The following NLGN4Y variants were observed in gnomAD, a reference collection of about 807,000 sequenced individuals.
NLGN4Y encodes neuroligin-4, Y-linked.
NLGN4Y carries 4 observed loss-of-function variants against 8.4 expected under a neutral mutation model. That is an observed-to-expected ratio of 0.48 (90% CI 0.23 to 1.09). NLGN4Y has a LOEUF of 1.09. Ranked by LOEUF, NLGN4Y falls within the 50% of genes least tolerant of loss-of-function variation. The pLI, the probability that NLGN4Y is intolerant of heterozygous loss-of-function variation, is 0.19. For synonymous variants in NLGN4Y, 35 were observed against 75.6 expected (o/e 0.46, Z 2.78); for missense variants, 90 against 192.3 (o/e 0.47, Z 3.15).
intron 2 of NLGN4Y, among the ~76,000 whole-genome samples, chrY:14,707,087 A>ATG (rs1261098511): frequency 5.4e-4 from 4 of 7,401 alleles, no homozygotes; most frequent in Non-Finnish European, 5.5e-4. Flanking sequence ...AGTCAATTTT[A>ATG]TGTGTATATA....
intron 1 of NLGN4Y, among the ~76,000 whole-genome samples, chrY:14,553,570 G>T: frequency 3.8e-5 from 1 of 26,141 alleles, no homozygotes; most frequent in Non-Finnish European, 8.9e-5. Context: ...CCAAAACTGT[G>T]TGTGTGTGTG....
intron 4 of NLGN4Y, among the ~76,000 whole-genome samples, chrY:14,790,426 A>G: frequency 1.2e-4 from 4 of 33,559 alleles, no homozygotes; most frequent in Admixed American, 8.2e-4. Context: ...GTGTGTGTGC[A>G]TCTGCACCTG....
chrY:14,715,776 G>T, intron 2 of NLGN4Y, among the ~76,000 whole-genome samples: 1 of 32,943 alleles, frequency 3.0e-5, no homozygotes, highest in East Asian at 7.9e-4. Context: ...AGAACTGAAA[G>T]TATAATTTTT....
chrY:14,845,055 A>G lies in NLGN4Y; in HGVS notation c.*3793A>G. ...CTGTACAGGTTTGTAGACTGGAAGA[A>G]CTAGGCTATACCATAGAGCCTAGGT... On this transcript the variant is annotated 3_prime_UTR_variant, in exon 7 of 7. Transcript: ENST00000684976. 1 of 33,296 alleles carries G rather than the reference A, an allele frequency of 3.0e-5. No homozygotes were observed. The highest frequency in any genetic ancestry group is 1.2e-4 in the African/African-American group (1 of 8,578). The allele number at this position is 33,296 out of a possible 400,897, so 8.3% of individuals were successfully genotyped here.
At chrY:14,680,593 T>C (rs905926547) in intron 2 of NLGN4Y, among the ~76,000 whole-genome samples, 3 of 33,430 alleles carry the variant, frequency 9.0e-5, no homozygotes, top group African/African-American at 1.2e-4. Flanking sequence ...TATTGAGGCC[T>C]CACTATGTGT....
In NLGN4Y at chrY:14,841,150, C is replaced by G; in HGVS notation, c.2399C>G (p.Thr800Ser). ...CCATTTATGACGCCAAACACCATCA[C>G]CATGATTCCAAACACATTGATGGGG... ...DIPFMTPNTI[T>S]MIPNTLMGMQ... The change falls in exon 7 of 7, where the codon ACC (threonine) becomes AGC (serine). Residue 800 changes from threonine (T) to serine (S), a missense_variant. Thr to Ser is a moderately conservative substitution (Grantham distance 58). Around this residue, in one of 4 missense-constraint regions of NLGN4Y, gnomAD observed 37 missense variants for 94.0 expected, o/e 0.39. Coordinates refer to ENST00000684976, the MANE Select transcript of NLGN4Y (RefSeq NM_001365588.1). 5.0e-5 allele frequency: 20 copies of G among 396,526 alleles called. No homozygotes were observed. Among genetic ancestry groups the G allele is most frequent in the Non-Finnish European group, 7.1e-5 (20 of 283,221 alleles).
intron 2 of NLGN4Y, among the ~76,000 whole-genome samples, chrY:14,663,464 TTATC>T (rs2080681890): frequency 1.5e-4 from 5 of 33,575 alleles, no homozygotes; most frequent in African/African-American, 5.8e-4. Context: ...ATCCACCTGT[TTATC>T]TATTCCATTT....
chrY:14,675,461 C>T (rs2080745566), intron 2 of NLGN4Y, among the ~76,000 whole-genome samples: 3 of 32,235 alleles, frequency 9.3e-5, no homozygotes, highest in Admixed American at 2.9e-4. Context: ...TCTCATTTCT[C>T]AGCCAAGATA....
Position 14,723,811 on chromosome Y carries a change from G to A in NLGN4Y, c.685+542G>A, listed in dbSNP as rs767360082. Among the ~76,000 whole-genome samples, 7 of 32,399 alleles carry A rather than the reference G, an allele frequency of 2.2e-4. No homozygotes were observed. The South Asian group carries it at 3.4e-3, about 16-fold the overall frequency. The allele number at this position is 32,399 out of a possible 37,273, so 86.9% of individuals were successfully genotyped here. A position where few individuals can be genotyped will look rare whatever the true frequency, so the allele number is the denominator to read the frequency against. On this transcript the variant is annotated intron_variant, in intron 4 of 6. Transcript: ENST00000684976. ...ATCTGCTGTTTAGGTTCTGTTAGTT[G>A]ACTTTTTTTTTTCATTTGATAATCT...
intron 2 of NLGN4Y, among the ~76,000 whole-genome samples, chrY:14,709,434 C>T (rs1603503050): frequency 3.0e-5 from 1 of 33,447 alleles, no homozygotes; most frequent in South Asian, 6.7e-4. Flanking sequence ...GACCAGGAGC[C>T]AGTCACTGTG....
At chrY:14,598,162 C>T in intron 1 of NLGN4Y, among the ~76,000 whole-genome samples, 1 of 35,031 alleles carries the variant, frequency 2.9e-5, no homozygotes, top group South Asian at 6.2e-4. Context: ...TGGGGCTACA[C>T]GTGGAGCTGA....
chrY:14,575,703 T>C, intron 1 of NLGN4Y, among the ~76,000 whole-genome samples: 1 of 33,619 alleles, frequency 3.0e-5, no homozygotes, highest in Non-Finnish European at 7.4e-5. Context: ...TCGGTTTTTT[T>C]CCCCATCTTT....
intron 4 of NLGN4Y, among the ~76,000 whole-genome samples, chrY:14,766,767 A>G (rs745356551): frequency 3.0e-5 from 1 of 33,586 alleles, no homozygotes; most frequent in East Asian, 7.7e-4. Flanking sequence ...CAACAGCATA[A>G]TAAAGATAAA....
intron 2 of NLGN4Y, among the ~76,000 whole-genome samples, chrY:14,690,623 T>G: frequency 3.1e-5 from 1 of 32,580 alleles, no homozygotes; most frequent in Non-Finnish European, 7.5e-5. Context: ...AGATCTTATT[T>G]TGGTGTCTCA....
Position 14,829,730 on chromosome Y carries a change from G to T in NLGN4Y, c.872G>T (p.Gly291Val). The change falls in exon 6 of 7, where the codon GGT (glycine) becomes GTT (valine). Residue 291 changes from glycine to valine, a missense_variant and splice_region_variant. Around this residue, in one of 4 missense-constraint regions of NLGN4Y, gnomAD observed 16 missense variants for 37.6 expected, o/e 0.43. Transcript: ENST00000684976. The stretch of plus-strand genomic sequence containing the variant: ...CATGTCCGCAATTTTGCACCTGCAG[G>T]TCTCTTCCAGAAGGCCATCATTCAG... ...SLLTLSHYSE[G>V]LFQKAIIQSG... 1 of 397,210 alleles carries T rather than the reference G, an allele frequency of 2.5e-6. No homozygotes were observed. The highest frequency in any genetic ancestry group is 9.3e-5 in the East Asian group (1 of 10,764).
chrY:14,710,492 T>C, intron 2 of NLGN4Y, among the ~76,000 whole-genome samples: 1 of 34,054 alleles, frequency 2.9e-5, no homozygotes, highest in Non-Finnish European at 7.3e-5. Context: ...TCACCCTGTG[T>C]GACAGAGTAA....
At chrY:14,627,771 C>T in intron 2 of NLGN4Y, among the ~76,000 whole-genome samples, 1 of 34,582 alleles carries the variant, frequency 2.9e-5, no homozygotes, top group Non-Finnish European at 7.3e-5. Context: ...GGCTGAAGGG[C>T]TCCTCAAGCG....
intron 4 of NLGN4Y, among the ~76,000 whole-genome samples, chrY:14,769,732 C>T: frequency 3.1e-5 from 1 of 32,632 alleles, no homozygotes; most frequent in East Asian, 8.1e-4. Flanking sequence ...GGGCTGAAGC[C>T]AGGGAGCCAA....
chrY:14,639,562 G>A (rs759301999), intron 2 of NLGN4Y: 10 of 247,046 alleles, frequency 4.0e-5, no homozygotes, highest in Admixed American at 2.4e-4. Flanking sequence ...CCACTGGGAC[G>A]GACCAGTAGT....
Sources: gnomAD v4.1 joint callset for allele counts (sites outside exome capture counted in the v4.1 genomes callset) on GRCh38, gnomAD v4.1.1 for gene constraint, gnomAD v4.1.1 regional missense constraint, MANE v1.5 for transcripts, NCBI Gene and HGNC (gene_info 2026-07-23, HGNC 2026-07-21) for gene names.